Variants in PARD3B observed in about 807,000 individuals in gnomAD.
The protein encoded by PARD3B is par-3 family cell polarity regulator beta.
Under a neutral mutation model 130.2 loss-of-function variants are expected in PARD3B, and 103 were observed. That is an observed-to-expected ratio of 0.79 (90% CI 0.67 to 0.93). The LOEUF (loss-of-function observed/expected upper bound fraction) is 0.93. Ranked by LOEUF, PARD3B falls within the 40% of genes least tolerant of loss-of-function variation. PARD3B has a pLI of 0.00. For synonymous variants in PARD3B, 583 were observed against 553.2 expected, an observed-to-expected ratio of 1.05 and a Z score of -0.76; for missense variants, 1,609 against 1,499.2, an observed-to-expected ratio of 1.07 and a Z score of -1.21.
intron 1 of PARD3B, among the ~76,000 whole-genome samples, chr2:204,626,799 A>T (rs983628887): frequency 1.3e-5 from 2 of 152,062 alleles, no homozygotes; most frequent in Non-Finnish European, 2.9e-5. Flanking sequence ...TTTTCCCCCA[A>T]CATTTTCTAT....
In PARD3B at chr2:204,816,675, T is replaced by A. The variant is rs540124547; in HGVS notation, c.222+130393T>A. The stretch of plus-strand genomic sequence containing the variant: ...TTTCCTGGCTCCTTTTAAGATTATT[T>A]TTTTTTTACCACTGATTTTAAATGA... On this transcript the variant is annotated intron_variant, in intron 2 of 22. Transcript: ENST00000406610. 2.7e-3 allele frequency among the ~76,000 whole-genome samples: 417 copies of A among 152,136 alleles called. 1 individual carries two copies. Among genetic ancestry groups the A allele is most frequent in the African/African-American group, 9.9e-3 (410 of 41,566 alleles).
intron 21 of PARD3B, among the ~76,000 whole-genome samples, chr2:205,521,519 TACCATTTAA>T (rs2051055170): frequency 6.6e-6 from 1 of 151,376 alleles, no homozygotes; most frequent in African/African-American, 2.4e-5. Context: ...TTTTTTCACA[TACCATTTAA>T]ACATCTATCA....
chr2:204,759,695 T>G (rs1382435000), intron 2 of PARD3B, among the ~76,000 whole-genome samples: 1 of 152,130 alleles, frequency 6.6e-6, no homozygotes. Context: ...ATAGTCTGTT[T>G]CCTTGGATTT....
intron 15 of PARD3B, among the ~76,000 whole-genome samples, chr2:205,221,000 T>TA (rs2038208753): frequency 6.6e-6 from 1 of 152,186 alleles, no homozygotes; most frequent in Non-Finnish European, 1.5e-5. Flanking sequence ...GATTTTCTTC[T>TA]AAATGTGGTT....
chr2:204,562,941 C>T (rs571326283), intron 1 of PARD3B, among the ~76,000 whole-genome samples: 30 of 152,082 alleles, frequency 2.0e-4, no homozygotes, highest in African/African-American at 6.8e-4. Flanking sequence ...AGCTGTGGGT[C>T]GTAAGGAGTC....
chr2:204,720,385 G>A (rs2038937731), intron 2 of PARD3B, among the ~76,000 whole-genome samples: 1 of 151,968 alleles, frequency 6.6e-6, no homozygotes, highest in African/African-American at 2.4e-5. Flanking sequence ...ACATGGTTTG[G>A]GTCTTTTAAA....
intron 4 of PARD3B, chr2:205,048,640 TG>T (rs1698971491): frequency 6.6e-6 from 1 of 152,194 alleles, no homozygotes; most frequent in African/African-American, 2.4e-5. Flanking sequence ...ATACGGATGC[TG>T]AAATGAGTTA....
intron 2 of PARD3B, among the ~76,000 whole-genome samples, chr2:204,938,386 C>T (rs1688628836): frequency 1.3e-5 from 2 of 152,168 alleles, no homozygotes; most frequent in African/African-American, 4.8e-5. Flanking sequence ...ACATGCTGTT[C>T]CCTCTGCGTG....
At chr2:205,061,213 G>C (rs933441382) in intron 4 of PARD3B, among the ~76,000 whole-genome samples, 2 of 152,098 alleles carry the variant, frequency 1.3e-5, no homozygotes, top group African/African-American at 4.8e-5. Flanking sequence ...TCAGCTTGGA[G>C]ATTCATTCTT....
intron 18 of PARD3B, among the ~76,000 whole-genome samples, chr2:205,350,605 T>A (rs1200092223): frequency 6.6e-6 from 1 of 152,232 alleles, no homozygotes; most frequent in Non-Finnish European, 1.5e-5. Context: ...TTTTTGTTTC[T>A]TCTCCTTTAT....
chr2:204,932,509 A>G (rs1388432840), intron 2 of PARD3B, among the ~76,000 whole-genome samples: 4 of 152,240 alleles, frequency 2.6e-5, no homozygotes, highest in East Asian at 3.9e-4. Context: ...AAAAAATGGT[A>G]TCCTTTCTCC....
chr2:205,473,219 C>T lies in PARD3B; in HGVS notation c.3045-26677C>T, dbSNP rs2048900540. Among the ~76,000 whole-genome samples the T allele has an allele frequency of 6.6e-6, 1 of 152,148 alleles. No homozygotes were observed. The highest frequency in any genetic ancestry group is 2.1e-4 in the South Asian group (1 of 4,826). On this transcript the variant is annotated intron_variant, in intron 20 of 22. Transcript: ENST00000406610. This position sits in a 1 kb window ranked among gnomAD's most constrained non-coding sequence, Gnocchi z 4.9. The stretch of plus-strand genomic sequence containing the variant: ...CCACTGCTAGACCTCAGAAGACTCT[C>T]CCTTTCCCATTAATAAAAAGGGGAC...
chr2:205,454,897 AC>A lies in PARD3B; in HGVS notation c.3044+14226del, dbSNP rs2106206985. 2.0e-5 allele frequency among the ~76,000 whole-genome samples: 3 copies of A among 152,294 alleles called. No homozygotes were observed. The East Asian group carries it at 5.8e-4, about 29-fold the overall frequency. On this transcript the variant is annotated intron_variant, in intron 20 of 22. Transcript: ENST00000406610. ...GGAAGGTTAGTCTTTAAAGTCAAAC[AC>A]AAGATAAGAATAGCTCACAGTCAAA... is the stretch of plus-strand genomic sequence containing the variant.
intron 1 of PARD3B, among the ~76,000 whole-genome samples, chr2:204,667,437 G>T (rs186015353): frequency 1.3e-5 from 2 of 151,980 alleles, no homozygotes; most frequent in East Asian, 3.9e-4. Context: ...ACTTACCAAT[G>T]TGTATGTCCT....
intron 1 of PARD3B, among the ~76,000 whole-genome samples, chr2:204,627,439 A>G (rs1374966942): frequency 6.6e-6 from 1 of 152,206 alleles, no homozygotes; most frequent in African/African-American, 2.4e-5. Context: ...GATTTGAAAA[A>G]ACTGTACAAC....
At chr2:204,671,248 C>T (rs1320998255) in intron 1 of PARD3B, among the ~76,000 whole-genome samples, 1 of 152,096 alleles carries the variant, frequency 6.6e-6, no homozygotes, top group East Asian at 1.9e-4. Context: ...AGTCTGTAGC[C>T]TTTTACATTC....
intron 2 of PARD3B, among the ~76,000 whole-genome samples, chr2:204,818,155 T>C (rs1325433585): frequency 6.6e-6 from 1 of 152,190 alleles, no homozygotes; most frequent in East Asian, 1.9e-4. Flanking sequence ...TTGGATAGTT[T>C]ATGGAATGAC....
At chr2:205,454,158 C>T (rs1386940334) in intron 20 of PARD3B, among the ~76,000 whole-genome samples, 1 of 152,000 alleles carries the variant, frequency 6.6e-6, no homozygotes, top group East Asian at 1.9e-4. Flanking sequence ...TGTGGATCTG[C>T]CACACTTACT....
chr2:204,891,223 C>T (rs2046434186), intron 2 of PARD3B, among the ~76,000 whole-genome samples: 2 of 149,664 alleles, frequency 1.3e-5, no homozygotes, highest in African/African-American at 4.9e-5. Flanking sequence ...TATTAAATAC[C>T]TATACATCGG....
Sources: allele counts gnomAD v4.1 joint callset (sites outside exome capture counted in the v4.1 genomes callset), GRCh38; gene constraint gnomAD v4.1.1; non-coding constraint Gnocchi (gnomAD v3.1); transcripts MANE v1.5; gene names NCBI Gene and HGNC (gene_info 2026-07-23, HGNC 2026-07-21).